PLPP7: variants seen among roughly 807,000 people sequenced by gnomAD.
PLPP7 encodes the protein phospholipid phosphatase 7 (inactive), also known as inactive phospholipid phosphatase 7.
In PLPP7, 11 loss-of-function variants were observed where a neutral mutation model predicts 16.9. The observed-to-expected ratio is 0.65, with a 90% CI of 0.41 to 1.08. The LOEUF (loss-of-function observed/expected upper bound fraction) is 1.08. PLPP7 is among the 50% of genes least tolerant of loss of function. The pLI, the probability that PLPP7 is intolerant of heterozygous loss-of-function variation, is 0.00. For missense variants in PLPP7, 358 were observed against 397.1 expected (o/e 0.90, Z 0.84); for synonymous variants, 174 against 175.1 (o/e 0.99, Z 0.05).
chr9:131,306,177 C>G (rs1031571820), intron 1 of PLPP7, among the ~76,000 whole-genome samples: 11 of 151,264 alleles, frequency 7.3e-5, no homozygotes, highest in African/African-American at 2.7e-4. Context: ...GCGGAGCTTG[C>G]AGTGAGCCGA....
At chr9:131,301,620 G>T (rs959159107) in intron 1 of PLPP7, among the ~76,000 whole-genome samples, 3 of 152,164 alleles carry the variant, frequency 2.0e-5, no homozygotes, top group Non-Finnish European at 4.4e-5. Flanking sequence ...TTCCTGCACG[G>T]TGCCCCAGCC....
At position 131,308,734 on chromosome 9, in the gene PLPP7, G is replaced by A. The variant is rs139596568; in HGVS notation, c.*447G>A. The A allele has an allele frequency of 3.0e-3, 512 of 173,006 alleles. 3 individuals carry two copies. Among genetic ancestry groups the A allele is most frequent in the African/African-American group, 0.012 (488 of 42,100 alleles). The allele number at this position is 173,006 out of a possible 1,614,324, so 10.7% of individuals were successfully genotyped here. A position where few individuals can be genotyped will look rare whatever the true frequency, so the allele number is the denominator to read the frequency against. ...TGATGCAGGTGCCATTGCCATTAGC[G>A]GTCATCGACAGCTTAGGGCAGCACT... On this transcript the variant is annotated 3_prime_UTR_variant, in exon 2 of 2. Coordinates refer to ENST00000372264, the MANE Select transcript of PLPP7 (RefSeq NM_032728.4).
intron 1 of PLPP7, among the ~76,000 whole-genome samples, chr9:131,304,437 C>T (rs1835831440): frequency 6.6e-6 from 1 of 152,200 alleles, no homozygotes; most frequent in African/African-American, 2.4e-5. Flanking sequence ...GAGTTCGAGA[C>T]CAGCCTGGCC....
Position 131,290,083 on chromosome 9 carries a change from C to G in PLPP7, c.86C>G (p.Pro29Arg). 1.3e-6 allele frequency: 2 copies of G among 1,509,858 alleles called. No homozygotes were observed. The highest frequency in any genetic ancestry group is 1.8e-6 in the Non-Finnish European group (2 of 1,130,526). 93.5% of individuals were successfully genotyped at this position (1,509,858 alleles called of 1,614,324 possible). A position where few individuals can be genotyped will look rare whatever the true frequency, so the allele number is the denominator to read the frequency against. Residue 29 changes from proline (P) to arginine (R), a missense_variant, in exon 1 of 2, where the codon CCC (proline) becomes CGC (arginine). Coordinates refer to ENST00000372264, the MANE Select transcript of PLPP7 (RefSeq NM_032728.4). The surrounding 1 kb of genome is among the most constrained non-coding windows in gnomAD (Gnocchi z 4.2). ...RAEFLSLNQP[P>R]KGGPEPRSSG... ...GAGTTCCTGTCCCTGAACCAGCCCC[C>G]CAAGGGGGGCCCGGAGCCCCGCAGC... is the stretch of plus-strand genomic sequence containing the variant.
chr9:131,301,936 C>T (rs1835802935), intron 1 of PLPP7, among the ~76,000 whole-genome samples: 1 of 151,860 alleles, frequency 6.6e-6, no homozygotes, highest in South Asian at 2.1e-4. Context: ...CCTGCCTCAG[C>T]CTCCCAAGTA....
chr9:131,305,121 G>A (rs775058453), intron 1 of PLPP7, among the ~76,000 whole-genome samples: 1 of 152,200 alleles, frequency 6.6e-6, no homozygotes, highest in Admixed American at 6.5e-5. Flanking sequence ...ACCAACCAGC[G>A]ACTCCAGTCC....
intron 1 of PLPP7, among the ~76,000 whole-genome samples, chr9:131,304,897 AT>A (rs928497149): frequency 2.6e-5 from 4 of 152,186 alleles, no homozygotes; most frequent in Admixed American, 2.0e-4. Flanking sequence ...AGACTGAACC[AT>A]TCAGGGCCTG....
chr9:131,305,718 C>A (rs879526273), intron 1 of PLPP7, among the ~76,000 whole-genome samples: 1 of 152,152 alleles, frequency 6.6e-6, no homozygotes, highest in Non-Finnish European at 1.5e-5. Flanking sequence ...TGGTCTCAGA[C>A]TCCTGGGCTT....
At chr9:131,304,816 G>A (rs955506917) in intron 1 of PLPP7, among the ~76,000 whole-genome samples, 2 of 152,154 alleles carry the variant, frequency 1.3e-5, no homozygotes, top group African/African-American at 2.4e-5. Flanking sequence ...CGCAGACAGC[G>A]AACCCTCACC....
intron 1 of PLPP7, among the ~76,000 whole-genome samples, chr9:131,298,802 G>A (rs1299938221): frequency 1.3e-5 from 2 of 152,194 alleles, no homozygotes; most frequent in Admixed American, 6.5e-5. Flanking sequence ...CACCAACCCC[G>A]AGGGACCTGG....
chr9:131,303,600 T>G (rs929529627), intron 1 of PLPP7, among the ~76,000 whole-genome samples: 1 of 152,082 alleles, frequency 6.6e-6, no homozygotes, highest in African/African-American at 2.4e-5. Flanking sequence ...GAACTGTCAT[T>G]GAGTCATAAC....
At chr9:131,298,310 G>C (rs564177790) in intron 1 of PLPP7, among the ~76,000 whole-genome samples, 91 of 152,242 alleles carry the variant, frequency 6.0e-4, no homozygotes, top group Admixed American at 1.7e-3. Flanking sequence ...CCTTCCGGAA[G>C]CCAGAATGGG....
At chr9:131,307,168 C>G (rs562809701) in intron 1 of PLPP7, among the ~76,000 whole-genome samples, 2 of 151,356 alleles carry the variant, frequency 1.3e-5, no homozygotes, top group South Asian at 2.1e-4. Flanking sequence ...ATTCCTTGAA[C>G]CCAGGAGGTG....
intron 1 of PLPP7, among the ~76,000 whole-genome samples, chr9:131,296,450 C>A (rs1296478993): frequency 6.6e-6 from 1 of 152,108 alleles, no homozygotes; most frequent in Non-Finnish European, 1.5e-5. Context: ...GATGAGCTTT[C>A]ACCATGTTGG....
At chr9:131,298,306 G>C (rs765150091) in intron 1 of PLPP7, among the ~76,000 whole-genome samples, 2 of 152,050 alleles carry the variant, frequency 1.3e-5, no homozygotes, top group Non-Finnish European at 2.9e-5. Context: ...CCAACCTTCC[G>C]GAAGCCAGAA....
At chr9:131,306,763 G>C (rs1835857791) in intron 1 of PLPP7, among the ~76,000 whole-genome samples, 1 of 152,158 alleles carries the variant, frequency 6.6e-6, no homozygotes, top group African/African-American at 2.4e-5. Context: ...GGTGTCCCAG[G>C]GGCTGGAGAG....
rs537403937 is a variant in PLPP7 at position 131,298,145 on chromosome 9, A to T, written c.451+7697A>T. On this transcript the variant is annotated intron_variant, in intron 1 of 1. Transcript: ENST00000372264. ...TCCCGGGCCATGAATCATGGCCCAC[A>T]TCCCTAACGATTTCCCAAGGAGATA... Among the ~76,000 whole-genome samples the T allele has an allele frequency of 8.5e-5, 13 of 152,240 alleles. 1 individual carries two copies. The South Asian group carries it at 2.7e-3, about 32-fold the overall frequency.
chr9:131,300,043 G>A (rs1835779231), intron 1 of PLPP7, among the ~76,000 whole-genome samples: 2 of 152,254 alleles, frequency 1.3e-5, no homozygotes, highest in African/African-American at 2.4e-5. Context: ...TTGTGCTGCT[G>A]TAACAGAATA....
Position 131,305,396 on chromosome 9 carries a change from T to A in PLPP7, c.452-2527T>A, listed in dbSNP as rs897394732. ...GGGATGCCCATCTGTAAAAAAAAAA[T>A]TTTTTTTTAATTAGCTGGGCATGGT... On this transcript the variant is annotated intron_variant, in intron 1 of 1. Transcript: ENST00000372264. 5.3e-5 allele frequency among the ~76,000 whole-genome samples: 8 copies of A among 150,514 alleles called. No individual in the cohort carries two copies. The East Asian group carries it at 1.2e-3, about 22-fold the overall frequency.
Sources: gnomAD v4.1 joint callset for allele counts (sites outside exome capture counted in the v4.1 genomes callset) on GRCh38, gnomAD v4.1.1 for gene constraint, Gnocchi (gnomAD v3.1) non-coding constraint, MANE v1.5 for transcripts, NCBI Gene and HGNC (gene_info 2026-07-23, HGNC 2026-07-21) for gene names.